The following SLC9A9 variants were observed in gnomAD, a reference collection of about 807,000 sequenced individuals.
The protein encoded by SLC9A9 is solute carrier family 9 member A9.
In SLC9A9, 62 loss-of-function variants were observed where a neutral mutation model predicts 77.8. That is an observed-to-expected ratio of 0.80 (90% CI 0.65 to 0.98). The LOEUF is 0.98. Among genes scored for constraint, SLC9A9 ranks in the 50% least tolerant of loss-of-function variants. The pLI is 0.00. For synonymous variants in SLC9A9, 320 were observed against 283.5 expected (o/e 1.13, Z -1.29); for missense variants, 775 against 774.9 (o/e 1.00, Z 0.00).
chr3:143,396,522 A>G (rs1030079760), intron 12 of SLC9A9, among the ~76,000 whole-genome samples: 3 of 152,140 alleles, frequency 2.0e-5, no homozygotes, highest in African/African-American at 7.2e-5. Flanking sequence ...CAGCACACCA[A>G]CGTGGCACAT....
chr3:143,467,593 A>T (rs1172747075), intron 11 of SLC9A9, among the ~76,000 whole-genome samples: 7 of 151,996 alleles, frequency 4.6e-5, no homozygotes, highest in African/African-American at 7.3e-5. Context: ...ATTTTTTTTT[A>T]AATTAGCCAG....
intron 12 of SLC9A9, among the ~76,000 whole-genome samples, chr3:143,389,425 G>C (rs971368405): frequency 1.3e-5 from 2 of 152,176 alleles, no homozygotes; most frequent in Non-Finnish European, 2.9e-5. Context: ...GTGCAGGACA[G>C]GCTCACTGTG....
intron 13 of SLC9A9, among the ~76,000 whole-genome samples, chr3:143,380,934 A>T (rs1275805178): frequency 2.0e-5 from 3 of 152,242 alleles, no homozygotes; most frequent in African/African-American, 7.2e-5. Flanking sequence ...TTAGAATACA[A>T]ATACGCTCAT....
intron 2 of SLC9A9, among the ~76,000 whole-genome samples, chr3:143,831,543 G>A (rs1041888632): frequency 2.0e-5 from 3 of 152,300 alleles, no homozygotes; most frequent in Middle Eastern, 3.4e-3. Context: ...AGTGGCCAGT[G>A]TTTTGTGTTG....
rs533026436 is a variant in SLC9A9 at position 143,843,214 on chromosome 3, A to G, written c.175+4934T>C. 3.3e-5 allele frequency among the ~76,000 whole-genome samples: 5 copies of G among 152,296 alleles called. No homozygotes were observed. In the East Asian group the frequency reaches 9.6e-4, roughly 29 times the overall value. ...AGCATCTCCCATAGGCCTGGCAGTC[A>G]GGGAGGCTGGGCTGTCCTGGAGGAG... On this transcript the variant is annotated intron_variant, in intron 1 of 15. Coordinates refer to ENST00000316549, the MANE Select transcript of SLC9A9 (RefSeq NM_173653.4).
chr3:143,434,225 C>G (rs1359108923), intron 12 of SLC9A9, among the ~76,000 whole-genome samples: 1 of 152,148 alleles, frequency 6.6e-6, no homozygotes, highest in Non-Finnish European at 1.5e-5. Context: ...GAATACAGTT[C>G]TGTCTGCAAA....
intron 2 of SLC9A9, among the ~76,000 whole-genome samples, chr3:143,810,157 G>A (rs1354995525): frequency 6.6e-6 from 1 of 152,290 alleles, no homozygotes; most frequent in Admixed American, 6.5e-5. Flanking sequence ...ATGTGCACCA[G>A]TATTTGGCTA....
intron 11 of SLC9A9, among the ~76,000 whole-genome samples, chr3:143,487,915 A>G (rs1460058314): frequency 2.6e-5 from 4 of 151,850 alleles, no homozygotes; most frequent in South Asian, 2.1e-4. Context: ...AGAATAGAGA[A>G]TAGAAAAATA....
At chr3:143,833,416 G>A (rs145053620) in intron 1 of SLC9A9, among the ~76,000 whole-genome samples, 20 of 152,288 alleles carry the variant, frequency 1.3e-4, no homozygotes, top group East Asian at 3.9e-4. Context: ...TGCTATGACC[G>A]CTGGGAAGCA....
intron 4 of SLC9A9, among the ~76,000 whole-genome samples, chr3:143,709,634 A>G (rs1018994973): frequency 1.3e-5 from 2 of 152,170 alleles, no homozygotes; most frequent in African/African-American, 4.8e-5. Context: ...ACAGATAGAT[A>G]AGCACTAAAT....
intron 12 of SLC9A9, among the ~76,000 whole-genome samples, chr3:143,463,526 A>G (rs1272813330): frequency 6.6e-6 from 1 of 152,180 alleles, no homozygotes; most frequent in Non-Finnish European, 1.5e-5. Context: ...TTCCTGGGTA[A>G]CAGCAGAGCT....
intron 4 of SLC9A9, among the ~76,000 whole-genome samples, chr3:143,708,515 CTA>C (rs1447867215): frequency 1.3e-5 from 2 of 152,288 alleles, no homozygotes; most frequent in East Asian, 1.9e-4. Flanking sequence ...CATCAGAAAA[CTA>C]TGTTTAATAC....
At chr3:143,291,378 G>A (rs528064657) in intron 14 of SLC9A9, among the ~76,000 whole-genome samples, 1 of 152,196 alleles carries the variant, frequency 6.6e-6, no homozygotes, top group Non-Finnish European at 1.5e-5. Flanking sequence ...GGCCTCAAAG[G>A]AGAAGAGCTC....
intron 14 of SLC9A9, among the ~76,000 whole-genome samples, chr3:143,280,335 A>G (rs372054949): frequency 6.6e-6 from 1 of 152,306 alleles, no homozygotes; most frequent in African/African-American, 2.4e-5. Flanking sequence ...GAATCCAGGT[A>G]TGTAACACTG....
intron 4 of SLC9A9, among the ~76,000 whole-genome samples, chr3:143,767,011 A>G (rs2007340138): frequency 6.6e-6 from 1 of 152,220 alleles, no homozygotes; most frequent in Non-Finnish European, 1.5e-5. Flanking sequence ...ATGGGAAAGC[A>G]GTATCTGTAT....
In SLC9A9 at chr3:143,433,580, T is replaced by C. The variant is rs187561733; in HGVS notation, c.1469+33457A>G. On this transcript the variant is annotated intron_variant, in intron 12 of 15. Transcript: ENST00000316549. ...ATAGCATTTGCCAGATTAATCGAGATCTGGTGATATTATAAAAGGTGGGGG... is the reference window on the plus strand; with the variant it reads ...ATAGCATTTGCCAGATTAATCGAGACCTGGTGATATTATAAAAGGTGGGGG... Among the ~76,000 whole-genome samples, 224 of 152,296 alleles carry C rather than the reference T, an allele frequency of 1.5e-3. 2 individuals are homozygous for C. Among genetic ancestry groups the C allele is most frequent in the Admixed American group, 0.012 (178 of 15,290 alleles).
chr3:143,724,958 C>G (rs564237230), intron 4 of SLC9A9, among the ~76,000 whole-genome samples: 1 of 152,272 alleles, frequency 6.6e-6, no homozygotes, highest in South Asian at 2.1e-4. Context: ...GAGTCAGAAA[C>G]AGAGTTTACA....
chr3:143,775,254 C>G (rs2007653096), intron 4 of SLC9A9, among the ~76,000 whole-genome samples: 1 of 152,038 alleles, frequency 6.6e-6, no homozygotes, highest in African/African-American at 2.4e-5. Context: ...TTAAATGAAC[C>G]AATGCTTATA....
At chr3:143,356,540 A>G (rs2032590501) in intron 14 of SLC9A9, among the ~76,000 whole-genome samples, 1 of 152,176 alleles carries the variant, frequency 6.6e-6, no homozygotes, top group South Asian at 2.1e-4. Flanking sequence ...ATTTTTTAAG[A>G]GATAGGATCT....
Sources: gnomAD v4.1 joint callset for allele counts (sites outside exome capture counted in the v4.1 genomes callset) on GRCh38, gnomAD v4.1.1 for gene constraint, MANE v1.5 for transcripts, NCBI Gene and HGNC (gene_info 2026-07-23, HGNC 2026-07-21) for gene names.